Variants in DCN observed in about 807,000 individuals in gnomAD.
DCN encodes decorin.
Under a neutral mutation model 36.5 loss-of-function variants are expected in DCN, and 17 were observed. The ratio of observed to expected loss-of-function variants is 0.47; its 90% CI spans 0.32 to 0.70. DCN has a LOEUF of 0.70. Ranked by LOEUF, DCN falls within the 30% of genes least tolerant of loss-of-function variation. The pLI, the probability that DCN is intolerant of heterozygous loss-of-function variation, is 0.04. For synonymous variants in DCN, 163 were observed against 161.4 expected (o/e 1.01, Z -0.07); for missense variants, 389 against 430.1 (o/e 0.90, Z 0.84).
Position 91,158,224 on chromosome 12 carries a change from C to T in DCN, c.538+72G>A, listed in dbSNP as rs1220067527. The stretch of plus-strand genomic sequence containing the variant: ...CTTGTAGCTAATTTACCTTCCTGCA[C>T]TTAAAACCCAGTTGAAATCTCTTAA... On this transcript the variant is annotated intron_variant, in intron 4 of 7. Transcript: ENST00000052754. 8 of 991,424 alleles carry T rather than the reference C, an allele frequency of 8.1e-6. No individual in the cohort carries two copies. In the East Asian group the frequency reaches 1.7e-4, roughly 21 times the overall value. The allele number at this position is 991,424 out of a possible 1,614,324, so 61.4% of individuals were successfully genotyped here.
chr12:91,151,325 A>G (rs747197506), intron 7 of DCN: 14 of 209,652 alleles, frequency 6.7e-5, no homozygotes, highest in Non-Finnish European at 1.3e-4. Flanking sequence ...CAGTAAAAAA[A>G]AAGAATTTTT....
Position 91,166,859 on chromosome 12 carries a change from T to C in DCN, c.212-2142A>G, listed in dbSNP as rs147146520. Among the ~76,000 whole-genome samples, 342 of 152,312 alleles carry C rather than the reference T, an allele frequency of 2.2e-3. 2 individuals are homozygous for C. The highest frequency in any genetic ancestry group is 0.015 in the Admixed American group (226 of 15,300). ...TCATTTCAATGATTAAAATTATAGT[T>C]CTACAACCTGCTCTGAATTAGTAAA... On this transcript the variant is annotated intron_variant, in intron 2 of 7. Transcript: ENST00000052754.
intron 2 of DCN, among the ~76,000 whole-genome samples, chr12:91,178,089 T>C (rs527999417): frequency 6.6e-6 from 1 of 152,158 alleles, no homozygotes; most frequent in East Asian, 1.9e-4. Flanking sequence ...GAAATATTTT[T>C]AAAAATGATT....
chr12:91,158,060 G>C (rs1881912795), intron 4 of DCN, among the ~76,000 whole-genome samples: 1 of 152,134 alleles, frequency 6.6e-6, no homozygotes, highest in African/African-American at 2.4e-5. Context: ...GTGTGGTAGG[G>C]TAACTTCAGC....
chr12:91,154,762 G>T (rs1181980742), intron 5 of DCN, among the ~76,000 whole-genome samples: 1 of 151,482 alleles, frequency 6.6e-6, no homozygotes, highest in Non-Finnish European at 1.5e-5. Flanking sequence ...GGTTTACATT[G>T]GGCCAAGTAC....
intron 1 of DCN, among the ~76,000 whole-genome samples, chr12:91,181,266 CTT>C (rs1868391877): frequency 6.6e-6 from 1 of 151,854 alleles, no homozygotes; most frequent in South Asian, 2.1e-4. Context: ...TGTCCAGAAA[CTT>C]TGTGCAAAAT....
chr12:91,149,674 A>T (rs1188600989), intron 7 of DCN, among the ~76,000 whole-genome samples: 1 of 152,214 alleles, frequency 6.6e-6, no homozygotes, highest in South Asian at 2.1e-4. Context: ...ATTTTTAAAT[A>T]ATATATCCTG....
At position 91,143,028 on chromosome 12, in the gene DCN, A is replaced by G. The variant is rs1386201809; in HGVS notation, c.*3030T>C. ...CTAAATTAGGGTGAGCCTTAATCCA[A>G]TATAACTCATGTTCATAGAAGAAGA... On this transcript the variant is annotated 3_prime_UTR_variant, in exon 8 of 8. Transcript: ENST00000052754. The G allele has an allele frequency of 3.9e-5, 6 of 152,160 alleles. No individual in the cohort carries two copies. Among genetic ancestry groups the G allele is most frequent in the Non-Finnish European group, 5.9e-5 (4 of 68,024 alleles). 9.4% of individuals were successfully genotyped at this position (152,160 alleles called of 1,614,324 possible). A position where few individuals can be genotyped will look rare whatever the true frequency, so the allele number is the denominator to read the frequency against.
chr12:91,177,797 C>T (rs914200970), intron 2 of DCN: 18 of 673,758 alleles, frequency 2.7e-5, no homozygotes, highest in Admixed American at 6.1e-5. Flanking sequence ...AAAACTAAGA[C>T]TCAGAGATTA....
intron 4 of DCN, among the ~76,000 whole-genome samples, chr12:91,158,038 T>C (rs1881910375): frequency 1.3e-5 from 2 of 152,222 alleles, no homozygotes; most frequent in Admixed American, 1.3e-4. Context: ...AACTCATCTT[T>C]GCATATTGTG....
intron 5 of DCN, among the ~76,000 whole-genome samples, chr12:91,154,533 C>T (rs1881636488): frequency 6.6e-6 from 1 of 152,048 alleles, no homozygotes; most frequent in Admixed American, 6.5e-5. Context: ...TTTGGGATGT[C>T]AGTTTCCCAA....
At chr12:91,149,445 C>T (rs1881264549) in intron 7 of DCN, among the ~76,000 whole-genome samples, 1 of 152,114 alleles carries the variant, frequency 6.6e-6, no homozygotes, top group South Asian at 2.1e-4. Context: ...AAGGGAACTT[C>T]CTCAACTTGA....
At chr12:91,169,432 C>T (rs922300946) in intron 2 of DCN, among the ~76,000 whole-genome samples, 4 of 115,108 alleles carry the variant, frequency 3.5e-5, no homozygotes, top group Non-Finnish European at 3.7e-5. Flanking sequence ...TTAAAAAAAG[C>T]AATGTATGTA....
At position 91,146,045 on chromosome 12, in the gene DCN, G is replaced by T; in HGVS notation, c.*13C>A. 1.2e-6 allele frequency: 2 copies of T among 1,608,194 alleles called. No homozygotes were observed. The highest frequency in any genetic ancestry group is 1.7e-6 in the Non-Finnish European group (2 of 1,174,698). On this transcript the variant is annotated 3_prime_UTR_variant, in exon 8 of 8. Transcript: ENST00000052754. ...ATTTTGCCAGGTTATAAAAATGAGG[G>T]CTTTCTTGAGAATTACTTATAGTTT...
At chr12:91,156,443 G>A (rs952008776) in intron 5 of DCN, among the ~76,000 whole-genome samples, 1 of 152,090 alleles carries the variant, frequency 6.6e-6, no homozygotes, top group African/African-American at 2.4e-5. Context: ...GAAGTGGATA[G>A]CAGTATTATT....
chr12:91,159,059 C>A (rs1391628589), intron 3 of DCN, among the ~76,000 whole-genome samples: 1 of 151,932 alleles, frequency 6.6e-6, no homozygotes, highest in Non-Finnish European at 1.5e-5. Context: ...TACATGCACT[C>A]TACACACACA....
chr12:91,162,633 T>C (rs1471468805), intron 3 of DCN, among the ~76,000 whole-genome samples: 2 of 152,326 alleles, frequency 1.3e-5, no homozygotes, highest in East Asian at 3.9e-4. Context: ...TGTATTCCTA[T>C]GACATTCATT....
At chr12:91,171,875 A>G (rs2121293421) in intron 2 of DCN, among the ~76,000 whole-genome samples, 1 of 152,282 alleles carries the variant, frequency 6.6e-6, no homozygotes, top group South Asian at 2.1e-4. Flanking sequence ...TTAAGCCACC[A>G]TGTTTTGGGG....
intron 6 of DCN, among the ~76,000 whole-genome samples, chr12:91,152,300 C>CATATATATATATATATATATAT (rs139523647): frequency 1.2e-4 from 18 of 146,440 alleles, no homozygotes; most frequent in African/African-American, 4.2e-4. Context: ...CACACACATG[C>CATATATATATATATATATATAT]ATATATATAT....
Sources: allele counts gnomAD v4.1 joint callset (sites outside exome capture counted in the v4.1 genomes callset), GRCh38; gene constraint gnomAD v4.1.1; transcripts MANE v1.5; gene names NCBI Gene and HGNC (gene_info 2026-07-23, HGNC 2026-07-21).